Variants in MAD1L1 observed in about 807,000 individuals in gnomAD.
The protein encoded by MAD1L1 is mitotic arrest deficient 1 like 1, also known as mitotic spindle assembly checkpoint protein MAD1.
A neutral mutation model predicts 96.9 loss-of-function variants in MAD1L1; 95 were observed. That is an observed-to-expected ratio of 0.98 (90% CI 0.83 to 1.16). The LOEUF (loss-of-function observed/expected upper bound fraction) is 1.16, where lower values mean the gene tolerates loss of function less well. MAD1L1 is among the 50% of genes most tolerant of loss of function. The pLI, the probability that MAD1L1 is intolerant of heterozygous loss-of-function variation, is 0.00. For synonymous variants in MAD1L1, 473 were observed against 396.6 expected (o/e 1.19, Z -2.29); for missense variants, 1,007 against 954.4 (o/e 1.06, Z -0.73).
chr7:2,009,656 C>G (rs920307484), intron 13 of MAD1L1, among the ~76,000 whole-genome samples: 1 of 152,204 alleles, frequency 6.6e-6, no homozygotes, highest in Non-Finnish European at 1.5e-5. Flanking sequence ...ACAGAGCACA[C>G]AACAGGCAGT....
chr7:1,936,733 G>C lies in MAD1L1; in HGVS notation c.1761C>G (p.Asp587Glu). 6.4e-7 allele frequency: 1 copy of C among 1,563,602 alleles called. No homozygotes were observed. The highest frequency in any genetic ancestry group is 1.2e-5 in the South Asian group (1 of 85,162). Residue 587 changes from aspartate to glutamate, a missense_variant, in exon 17 of 19, where the codon GAC (aspartate) becomes GAG (glutamate). Coordinates refer to ENST00000265854, the MANE Select transcript of MAD1L1 (RefSeq NM_001013836.2). ...GCAGACTCGCGGCGGCAGCCTCAAGGTCGGCTGGGACGGTGCCTCCTCTCT... is the reference window on the plus strand; with the variant it reads ...GCAGACTCGCGGCGGCAGCCTCAAGCTCGGCTGGGACGGTGCCTCCTCTCT... ...AMERGGTVPA[D>E]LEAAAASLPS...
At chr7:1,895,579 G>A (rs1562499327) in intron 18 of MAD1L1, among the ~76,000 whole-genome samples, 1 of 152,254 alleles carries the variant, frequency 6.6e-6, no homozygotes, top group Non-Finnish European at 1.5e-5. Context: ...GGGAAAGTGG[G>A]TAAGCTAAAA....
chr7:1,971,708 A>G lies in MAD1L1; in HGVS notation c.1505+8745T>C, dbSNP rs533106464. On this transcript the variant is annotated intron_variant, in intron 15 of 18. Transcript: ENST00000265854. Reference sequence around the variant, plus strand: ...TACCTGAAGACAAAGAAAAGAAGGCACAGCATCAAATAGCCTTTAAAATGG... The same window carrying G: ...TACCTGAAGACAAAGAAAAGAAGGCGCAGCATCAAATAGCCTTTAAAATGG... Among the ~76,000 whole-genome samples the G allele has an allele frequency of 1.6e-3, 249 of 152,296 alleles. 1 individual carries two copies. The highest frequency in any genetic ancestry group is 5.7e-3 in the African/African-American group (237 of 41,564).
intron 18 of MAD1L1, chr7:1,845,288 G>A (rs1342635948): frequency 6.6e-6 from 1 of 152,292 alleles, no homozygotes; most frequent in East Asian, 1.9e-4. Flanking sequence ...CACAGGCAGT[G>A]CACAGAATGT....
chr7:1,833,835 G>C (rs1353847098), intron 18 of MAD1L1, among the ~76,000 whole-genome samples: 3 of 152,204 alleles, frequency 2.0e-5, no homozygotes, highest in Non-Finnish European at 4.4e-5. Flanking sequence ...CAGTTACTCG[G>C]GAGGCTGAGG....
chr7:1,854,895 C>T (rs931380133), intron 18 of MAD1L1, among the ~76,000 whole-genome samples: 1 of 152,238 alleles, frequency 6.6e-6, no homozygotes, highest in Non-Finnish European at 1.5e-5. Context: ...CAGGCCAAAC[C>T]CCGAGGGGCA....
chr7:1,975,094 A>T (rs1780574173), intron 15 of MAD1L1, among the ~76,000 whole-genome samples: 1 of 152,188 alleles, frequency 6.6e-6, no homozygotes, highest in South Asian at 2.1e-4. Flanking sequence ...GCCTGCTGAC[A>T]GTGCTGCCCA....
At chr7:1,846,596 C>G (rs1783635964) in intron 18 of MAD1L1, 1 of 155,354 alleles carries the variant, frequency 6.4e-6, no homozygotes, top group South Asian at 2.0e-4. Context: ...GGACCAGGAG[C>G]TGCCCCCACA....
intron 12 of MAD1L1, among the ~76,000 whole-genome samples, chr7:2,044,146 C>T (rs1584170452): frequency 1.3e-5 from 2 of 152,220 alleles, no homozygotes; most frequent in African/African-American, 2.4e-5. Context: ...GAATAAAAAT[C>T]ATAGCGAATG....
chr7:2,152,569 C>T (rs1269803349), intron 10 of MAD1L1, among the ~76,000 whole-genome samples: 3 of 152,184 alleles, frequency 2.0e-5, no homozygotes, highest in Non-Finnish European at 4.4e-5. Context: ...GACCAGTCTA[C>T]TCTACTTGCA....
chr7:2,059,381 G>A (rs1784533623), intron 12 of MAD1L1, among the ~76,000 whole-genome samples: 2 of 147,106 alleles, frequency 1.4e-5, no homozygotes, highest in African/African-American at 2.5e-5. Context: ...GTGGCCAGAA[G>A]AGAGAAGCAG....
At chr7:1,955,015 C>T (rs1429782931) in intron 16 of MAD1L1, among the ~76,000 whole-genome samples, 1 of 152,204 alleles carries the variant, frequency 6.6e-6, no homozygotes, top group Non-Finnish European at 1.5e-5. Context: ...GAAGGCAGCA[C>T]GAAGACCTCC....
chr7:1,879,462 A>G (rs937228361), intron 18 of MAD1L1, among the ~76,000 whole-genome samples: 1 of 151,680 alleles, frequency 6.6e-6, no homozygotes, highest in Non-Finnish European at 1.5e-5. Flanking sequence ...TCTCCAAAAA[A>G]AAAAAAAAAA....
chr7:2,056,609 G>A (rs56190614), intron 12 of MAD1L1, among the ~76,000 whole-genome samples: 19,901 of 152,118 alleles, frequency 0.13, 1,879 homozygotes, highest in African/African-American at 0.26. Flanking sequence ...GAGCGAGGGC[G>A]GTGCTCACCT....
chr7:2,167,662 C>G (rs955861946), intron 10 of MAD1L1, among the ~76,000 whole-genome samples: 73 of 151,804 alleles, frequency 4.8e-4, no homozygotes, highest in Middle Eastern at 3.4e-3. Flanking sequence ...CCCGGGAGTT[C>G]GAGGCAGTAG....
chr7:1,832,944 T>A (rs1429530664), intron 18 of MAD1L1, among the ~76,000 whole-genome samples: 1 of 152,016 alleles, frequency 6.6e-6, no homozygotes, highest in East Asian at 1.9e-4. Flanking sequence ...CTGGTGTTTT[T>A]AAGAAACTGT....
At chr7:1,947,027 C>A (rs965032165) in intron 16 of MAD1L1, among the ~76,000 whole-genome samples, 1 of 152,208 alleles carries the variant, frequency 6.6e-6, no homozygotes, top group Non-Finnish European at 1.5e-5. Context: ...GCTGGTAGGT[C>A]TCCGTCCTCT....
At chr7:2,154,848 G>A (rs888160811) in intron 10 of MAD1L1, among the ~76,000 whole-genome samples, 12 of 152,150 alleles carry the variant, frequency 7.9e-5, no homozygotes, top group Non-Finnish European at 1.5e-4. Flanking sequence ...AAACGGGTCA[G>A]GAGGTCACCT....
intron 11 of MAD1L1, among the ~76,000 whole-genome samples, chr7:2,129,065 T>C (rs1018600126): frequency 1.3e-5 from 2 of 151,942 alleles, no homozygotes; most frequent in African/African-American, 2.4e-5. Flanking sequence ...GAGGACAAAA[T>C]TGGGTTTGTG....
Sources: allele counts gnomAD v4.1 joint callset (sites outside exome capture counted in the v4.1 genomes callset), GRCh38; gene constraint gnomAD v4.1.1; transcripts MANE v1.5; gene names NCBI Gene and HGNC (gene_info 2026-07-23, HGNC 2026-07-21).